CHODL: variants seen among roughly 807,000 people sequenced by gnomAD.
The protein encoded by CHODL is chondrolectin.
CHODL carries 29 observed loss-of-function variants against 34.5 expected under a neutral mutation model. The observed-to-expected ratio is 0.84, with a 90% CI of 0.63 to 1.15. The LOEUF is 1.15. Among genes scored for constraint, CHODL ranks in the 50% most tolerant of loss-of-function variants. The probability of loss-of-function intolerance (pLI) is 0.00; values close to 1 mark genes in which losing one functional copy is unlikely to be tolerated. For synonymous variants in CHODL, 125 were observed against 116.1 expected, an observed-to-expected ratio of 1.08 and a Z score of -0.49; for missense variants, 332 against 332.5, an observed-to-expected ratio of 1.00 and a Z score of 0.01.
At chr21:18,081,798 T>C (rs1259716952) in intron 2 of CHODL, among the ~76,000 whole-genome samples, 1 of 152,184 alleles carries the variant, frequency 6.6e-6, no homozygotes, top group African/African-American at 2.4e-5. Flanking sequence ...GTTTGTCATA[T>C]ATTGCCTTTT....
intron 1 of CHODL, among the ~76,000 whole-genome samples, chr21:18,003,652 TTTTA>T (rs1208895790): frequency 1.3e-5 from 2 of 152,146 alleles, no homozygotes; most frequent in Non-Finnish European, 2.9e-5. Context: ...AAGAGAAACA[TTTTA>T]TTTGTGTCCT....
intron 2 of CHODL, among the ~76,000 whole-genome samples, chr21:18,178,703 T>A (rs2073345866): frequency 6.6e-6 from 1 of 152,164 alleles, no homozygotes; most frequent in Non-Finnish European, 1.5e-5. Context: ...ATCCCCACCC[T>A]CTTCATGCTG....
At chr21:18,103,028 CTAAG>C (rs1320631906) in intron 2 of CHODL, among the ~76,000 whole-genome samples, 1 of 152,068 alleles carries the variant, frequency 6.6e-6, no homozygotes, top group African/African-American at 2.4e-5. Context: ...TTATGAATGA[CTAAG>C]TAGAGAATAG....
chr21:18,174,331 T>C (rs906551833), intron 2 of CHODL, among the ~76,000 whole-genome samples: 1 of 151,586 alleles, frequency 6.6e-6, no homozygotes, highest in Non-Finnish European at 1.5e-5. Flanking sequence ...GCAATTTTTT[T>C]ATACTAGGTA....
intron 4 of CHODL, among the ~76,000 whole-genome samples, 169 bp from the exon 5 acceptor site, chr21:18,262,622 G>A (rs531077846): frequency 3.9e-5 from 6 of 152,276 alleles, no homozygotes; most frequent in Admixed American, 3.3e-4. Flanking sequence ...ACTATGTGGT[G>A]CATGACTGTA....
In CHODL at chr21:18,009,983, A is replaced by G. The variant is rs188264941; in HGVS notation, c.-144-17889A>G. 3.1e-3 allele frequency among the ~76,000 whole-genome samples: 469 copies of G among 151,840 alleles called. 15 individuals carry two copies. Among genetic ancestry groups the G allele is most frequent in the Admixed American group, 0.029 (444 of 15,218 alleles). On this transcript the variant is annotated intron_variant, in intron 1 of 6. Transcript: ENST00000400127. ...AAACAGACACAGAGATATGATTTAC[A>G]CTGTTTTGAAATCACTGCCATGTTC...
At chr21:18,191,187 G>A (rs1194838615) in intron 2 of CHODL, among the ~76,000 whole-genome samples, 1 of 152,008 alleles carries the variant, frequency 6.6e-6, no homozygotes, top group Admixed American at 6.6e-5. Context: ...ATCATTCAAG[G>A]GTGATTTAAA....
At chr21:18,057,422 C>A (rs2064597100) in intron 2 of CHODL, among the ~76,000 whole-genome samples, 1 of 151,974 alleles carries the variant, frequency 6.6e-6, no homozygotes, top group Non-Finnish European at 1.5e-5. Context: ...TACCTCTCGA[C>A]CCCACACATT....
upstream of CHODL, among the ~76,000 whole-genome samples, chr21:18,243,623 G>A (rs577814987): frequency 4.0e-5 from 6 of 151,746 alleles, no homozygotes; most frequent in East Asian, 1.2e-3. Context: ...GCTCACTGCA[G>A]CGTCAAACTC....
At chr21:18,223,923 C>G (rs1303553747) in intron 2 of CHODL, among the ~76,000 whole-genome samples, 1 of 152,024 alleles carries the variant, frequency 6.6e-6, no homozygotes. Flanking sequence ...ATAAATGGAG[C>G]CGATTATTAC....
intron 2 of CHODL, among the ~76,000 whole-genome samples, chr21:18,139,411 T>C (rs1021228739): frequency 5.3e-5 from 8 of 152,150 alleles, no homozygotes; most frequent in Non-Finnish European, 1.5e-5. Flanking sequence ...ACACAATTCC[T>C]TCCTTTGGAG....
At chr21:18,178,922 C>A (rs1342691533) in intron 2 of CHODL, among the ~76,000 whole-genome samples, 4 of 152,058 alleles carry the variant, frequency 2.6e-5, no homozygotes, top group Admixed American at 2.6e-4. Flanking sequence ...GATACACATA[C>A]CCTATTTGTT....
intron 1 of CHODL, among the ~76,000 whole-genome samples, chr21:17,950,031 G>T (rs1202275971): frequency 2.6e-4 from 40 of 152,068 alleles, no homozygotes. Context: ...TTTTGTAAAA[G>T]AATGATTAAG....
chr21:18,262,997 TAAG>T (rs1159995507), intron 5 of CHODL, 104 bp downstream of exon 5: 8 of 656,148 alleles, frequency 1.2e-5, no homozygotes, highest in Non-Finnish European at 2.1e-5. Context: ...TAATTTTCCT[TAAG>T]AAATCCTATA....
chr21:17,970,598 A>AT (rs998132161), intron 1 of CHODL, among the ~76,000 whole-genome samples: 21 of 151,200 alleles, frequency 1.4e-4, no homozygotes, highest in East Asian at 3.9e-4. Context: ...TTGTTTTTTA[A>AT]TTTTTTTTTA....
intron 2 of CHODL, among the ~76,000 whole-genome samples, chr21:18,125,155 T>G (rs531495123): frequency 6.6e-6 from 1 of 152,314 alleles, no homozygotes; most frequent in East Asian, 1.9e-4. Flanking sequence ...TCTTTTATGA[T>G]AAACAAAAAG....
chr21:17,965,436 C>T (rs2063564117), intron 1 of CHODL, among the ~76,000 whole-genome samples: 1 of 151,902 alleles, frequency 6.6e-6, no homozygotes, highest in South Asian at 2.1e-4. Flanking sequence ...TCCTTCATTC[C>T]TTCCATCCTC....
chr21:18,139,628 ACT>A (rs1042737477), intron 2 of CHODL, among the ~76,000 whole-genome samples: 41 of 152,154 alleles, frequency 2.7e-4, no homozygotes, highest in African/African-American at 8.9e-4. Context: ...TTTAAGAGCT[ACT>A]CTCTGATATG....
chr21:18,209,162 G>A (rs1305845888), intron 2 of CHODL, among the ~76,000 whole-genome samples: 1 of 152,176 alleles, frequency 6.6e-6, no homozygotes, highest in Non-Finnish European at 1.5e-5. Flanking sequence ...AGGAGCCAGG[G>A]CCAAGAGTTG....
Sources: allele counts gnomAD v4.1 joint callset (sites outside exome capture counted in the v4.1 genomes callset), GRCh38; gene constraint gnomAD v4.1.1; transcripts MANE v1.5; gene names NCBI Gene and HGNC (gene_info 2026-07-23, HGNC 2026-07-21).